SLAMF1: variants seen among roughly 807,000 people sequenced by gnomAD.
SLAMF1 encodes signaling lymphocytic activation molecule family member 1.
In SLAMF1, 18 loss-of-function variants were observed where a neutral mutation model predicts 35.1. That is an observed-to-expected ratio of 0.51 (90% CI 0.35 to 0.76). The LOEUF (loss-of-function observed/expected upper bound fraction) is 0.76. Ranked by LOEUF, SLAMF1 falls within the 30% of genes least tolerant of loss-of-function variation. The pLI, the probability that SLAMF1 is intolerant of heterozygous loss-of-function variation, is 0.01. For missense variants in SLAMF1, 392 were observed against 413.0 expected (o/e 0.95, Z 0.44); for synonymous variants, 168 against 157.2 (o/e 1.07, Z -0.51).
At chr1:160,632,455 C>T (rs1660212201) in intron 3 of SLAMF1, among the ~76,000 whole-genome samples, 2 of 152,144 alleles carry the variant, frequency 1.3e-5, no homozygotes, top group Admixed American at 1.3e-4. Flanking sequence ...AATCTGGTTC[C>T]CACTGGTGCA....
intron 3 of SLAMF1, among the ~76,000 whole-genome samples, chr1:160,631,295 A>C (rs969571550): frequency 2.0e-4 from 30 of 152,192 alleles, no homozygotes; most frequent in Non-Finnish European, 5.9e-5. Context: ...TGAGGCAGGG[A>C]AGGTCTGGTC....
intron 5 of SLAMF1, among the ~76,000 whole-genome samples, chr1:160,614,695 T>A (rs921804066): frequency 6.6e-6 from 1 of 152,146 alleles, no homozygotes; most frequent in African/African-American, 2.4e-5. Flanking sequence ...ATAACTTACA[T>A]TTTTAACATT....
chr1:160,637,228 A>T lies in SLAMF1; in HGVS notation c.378T>A (p.Val126=). 1 of 1,614,056 alleles carries T rather than the reference A, an allele frequency of 6.2e-7. No individual in the cohort carries two copies. The highest frequency in any genetic ancestry group is 1.1e-5 in the South Asian group (1 of 91,072). Reference sequence around the variant, plus strand: ...ACTGCAGGCAAAAGCGCTGAACTGAAACATTTTTCTCCAGGGTCATAAGGT... The same window carrying T: ...ACTGCAGGCAAAAGCGCTGAACTGATACATTTTTCTCCAGGGTCATAAGGT... The part of the protein sequence containing the change: ...GWYLMTLEKN[V]SVQRFCLQLR... The change falls in exon 2 of 7, where the codon GTT becomes GTA. Residue 126 remains valine, a synonymous_variant. Coordinates refer to ENST00000302035, the MANE Select transcript of SLAMF1 (RefSeq NM_003037.5).
Position 160,610,749 on chromosome 1 carries a change from C to T in SLAMF1, c.1007G>A (p.Ter336=). ...VYASVTLPES[*] Reference sequence around the variant, plus strand: ...AAGTCCCTTTGTTGGTCTCTGGTGTCAGCTCTCTGGAAGTGTCACACTAGC... The same window carrying T: ...AAGTCCCTTTGTTGGTCTCTGGTGTTAGCTCTCTGGAAGTGTCACACTAGC... Residue 336 remains the stop codon, a stop_retained_variant, in exon 7 of 7, where the codon TGA becomes TAA. Coordinates refer to ENST00000302035, the MANE Select transcript of SLAMF1 (RefSeq NM_003037.5). 6.2e-7 allele frequency: 1 copy of T among 1,611,690 alleles called. No homozygotes were observed. Among genetic ancestry groups the T allele is most frequent in the Non-Finnish European group, 8.5e-7 (1 of 1,177,872 alleles).
chr1:160,624,488 A>G (rs1659778762), intron 3 of SLAMF1, among the ~76,000 whole-genome samples: 1 of 152,154 alleles, frequency 6.6e-6, no homozygotes, highest in Non-Finnish European at 1.5e-5. Flanking sequence ...CATCTCTCCT[A>G]AGTCAATCTC....
At chr1:160,630,440 C>T (rs576926136) in intron 3 of SLAMF1, among the ~76,000 whole-genome samples, 21 of 152,152 alleles carry the variant, frequency 1.4e-4, no homozygotes, top group African/African-American at 5.1e-4. Context: ...CATTGCATTC[C>T]GTCTCATCAC....
At chr1:160,614,296 C>T (rs1361998592) in intron 5 of SLAMF1, among the ~76,000 whole-genome samples, 1 of 152,160 alleles carries the variant, frequency 6.6e-6, no homozygotes, top group Non-Finnish European at 1.5e-5. Flanking sequence ...AGACCTTTGG[C>T]CGGGCGTGGT....
intron 5 of SLAMF1, among the ~76,000 whole-genome samples, chr1:160,615,477 CTT>C (rs947670975): frequency 1.1e-4 from 17 of 152,138 alleles, no homozygotes; most frequent in African/African-American, 4.1e-4. Flanking sequence ...AAAAATATAA[CTT>C]AAAAAAATTT....
At chr1:160,627,859 G>T (rs2102312858) in intron 3 of SLAMF1, among the ~76,000 whole-genome samples, 1 of 152,236 alleles carries the variant, frequency 6.6e-6, no homozygotes, top group South Asian at 2.1e-4. Context: ...ACCTTGAATT[G>T]TAATAATCCC....
intron 3 of SLAMF1, among the ~76,000 whole-genome samples, chr1:160,631,173 G>T (rs747625406): frequency 6.6e-6 from 1 of 152,094 alleles, no homozygotes; most frequent in Non-Finnish European, 1.5e-5. Context: ...GGTAGTATTC[G>T]TTATTCATGC....
chr1:160,621,519 A>G (rs1442385103), intron 4 of SLAMF1, among the ~76,000 whole-genome samples: 1 of 136,576 alleles, frequency 7.3e-6, no homozygotes, highest in Non-Finnish European at 1.5e-5. Context: ...AGATCATGCC[A>G]TTGCACTCCA....
chr1:160,629,679 A>G (rs1660067940), intron 3 of SLAMF1, among the ~76,000 whole-genome samples: 1 of 152,208 alleles, frequency 6.6e-6, no homozygotes, highest in Non-Finnish European at 1.5e-5. Context: ...AGCATTGCAG[A>G]GGCTACTAGC....
intron 1 of SLAMF1, among the ~76,000 whole-genome samples, chr1:160,638,098 G>A (rs901689325): frequency 6.6e-6 from 1 of 151,832 alleles, no homozygotes; most frequent in Non-Finnish European, 1.5e-5. Flanking sequence ...TAATAATGTC[G>A]ACAGTGAGAT....
chr1:160,620,865 A>G (rs1659573266), intron 4 of SLAMF1, among the ~76,000 whole-genome samples: 1 of 152,202 alleles, frequency 6.6e-6, no homozygotes, highest in Non-Finnish European at 1.5e-5. Flanking sequence ...CTGAATTTTA[A>G]ATTTTATTTA....
chr1:160,645,119 T>C (rs916910519), intron 1 of SLAMF1, among the ~76,000 whole-genome samples: 5 of 152,204 alleles, frequency 3.3e-5, no homozygotes, highest in Non-Finnish European at 7.3e-5. Flanking sequence ...AAAAATTCAC[T>C]TTACTTGGGG....
chr1:160,628,909 A>G (rs1273018923), intron 3 of SLAMF1, among the ~76,000 whole-genome samples: 2 of 152,048 alleles, frequency 1.3e-5, no homozygotes, highest in Non-Finnish European at 1.5e-5. Context: ...TCAAACCACC[A>G]TTTCCTGTGG....
At chr1:160,613,592 T>C (rs1177805650) in intron 5 of SLAMF1, among the ~76,000 whole-genome samples, 1 of 152,160 alleles carries the variant, frequency 6.6e-6, no homozygotes, top group East Asian at 1.9e-4. Flanking sequence ...TGCTGTCCAC[T>C]CTCCCTGGGT....
intron 3 of SLAMF1, among the ~76,000 whole-genome samples, chr1:160,625,318 G>A (rs1659821093): frequency 6.6e-6 from 1 of 152,212 alleles, no homozygotes; most frequent in South Asian, 2.1e-4. Context: ...TGTGGAATAA[G>A]CCTGCTTGTT....
At chr1:160,635,203 CA>C (rs1660374321) in intron 2 of SLAMF1, among the ~76,000 whole-genome samples, 1 of 152,228 alleles carries the variant, frequency 6.6e-6, no homozygotes, top group African/African-American at 2.4e-5. Context: ...TGTCTCCTAT[CA>C]GTGGAGTTTG....
Sources: gnomAD v4.1 joint callset for allele counts (sites outside exome capture counted in the v4.1 genomes callset) on GRCh38, gnomAD v4.1.1 for gene constraint, MANE v1.5 for transcripts, NCBI Gene and HGNC (gene_info 2026-07-23, HGNC 2026-07-21) for gene names.